Variants in MTA1 observed in about 807,000 individuals in gnomAD.
MTA1 encodes metastasis associated 1.
In MTA1, 15 loss-of-function variants were observed where a neutral mutation model predicts 97.0. The observed-to-expected ratio is 0.15, with a 90% CI of 0.10 to 0.24. The LOEUF is 0.24. Among genes scored for constraint, MTA1 ranks in the 10% least tolerant of loss-of-function variants. The pLI is 1.00. For missense variants in MTA1, 709 were observed against 1,015.1 expected (o/e 0.70, Z 4.10); for synonymous variants, 435 against 417.5 (o/e 1.04, Z -0.51).
At chr14:105,431,447 C>G (rs1198746323) in intron 1 of MTA1, among the ~76,000 whole-genome samples, 1 of 152,180 alleles carries the variant, frequency 6.6e-6, no homozygotes, top group Non-Finnish European at 1.5e-5. Flanking sequence ...TAACCAACAT[C>G]AGGAACAACA....
rs1046562384 is a variant in MTA1 at position 105,424,280 on chromosome 14, G to A, written c.28+4217G>A. The stretch of plus-strand genomic sequence containing the variant: ...CGCAATCTGGGCTCACTGCAAGTCC[G>A]CCTCCCGGGTTCACACCATTCTCCT... On this transcript the variant is annotated intron_variant, in intron 1 of 20. Coordinates refer to ENST00000331320, the MANE Select transcript of MTA1 (RefSeq NM_004689.4). The surrounding 1 kb of genome is among the most constrained non-coding windows in gnomAD (Gnocchi z 4.0). 2.0e-5 allele frequency among the ~76,000 whole-genome samples: 3 copies of A among 151,904 alleles called. No individual in the cohort carries two copies. Among genetic ancestry groups the A allele is most frequent in the Non-Finnish European group, 2.9e-5 (2 of 67,994 alleles).
At chr14:105,462,345 A>G (rs1555431253) in intron 10 of MTA1, among the ~76,000 whole-genome samples, 19 of 152,142 alleles carry the variant, frequency 1.2e-4, no homozygotes, top group Non-Finnish European at 1.5e-5. Flanking sequence ...CCGAGGCAGG[A>G]GGATCATGAG....
At chr14:105,439,995 G>A (rs1402881042) in intron 2 of MTA1, among the ~76,000 whole-genome samples, 4 of 152,200 alleles carry the variant, frequency 2.6e-5, no homozygotes, top group African/African-American at 4.8e-5. Flanking sequence ...TGCGCTTGTC[G>A]AGGGCCATTC....
At chr14:105,441,398 G>A (rs1002537031) in intron 2 of MTA1, among the ~76,000 whole-genome samples, 5 of 152,194 alleles carry the variant, frequency 3.3e-5, no homozygotes, top group Admixed American at 6.5e-5. Context: ...CCCATGCAGC[G>A]AGCTGCCCAG....
chr14:105,445,272 G>A, intron 2 of MTA1, 146 bp from the exon 3 acceptor site: 1 of 669,436 alleles, frequency 1.5e-6, no homozygotes, highest in Admixed American at 2.9e-5. Flanking sequence ...TGCTCCATTT[G>A]TGAAGTGCCC....
At chr14:105,452,589 G>A (rs1262322960) in intron 6 of MTA1, among the ~76,000 whole-genome samples, 1 of 152,212 alleles carries the variant, frequency 6.6e-6, no homozygotes. Context: ...AGGCTGAGGT[G>A]GGAGGATTGC....
At chr14:105,468,920 G>A (rs782350824) in intron 18 of MTA1, 36 of 319,196 alleles carry the variant, frequency 1.1e-4, no homozygotes, top group Non-Finnish European at 2.0e-4. Context: ...ACCCTGCACT[G>A]TGGGAAGTCA....
chr14:105,434,516 CAG>C (rs1262931788), intron 1 of MTA1, among the ~76,000 whole-genome samples: 1 of 114,804 alleles, frequency 8.7e-6, no homozygotes, highest in African/African-American at 3.4e-5. Flanking sequence ...TTTTTTGAGA[CAG>C]AGTTTCACTC....
rs1441814963 is a variant in MTA1 at position 105,469,886 on chromosome 14, A to G, written c.1891A>G (p.Lys631Glu). 1 of 1,611,112 alleles carries G rather than the reference A, an allele frequency of 6.2e-7. No homozygotes were observed. The highest frequency in any genetic ancestry group is 8.5e-7 in the Non-Finnish European group (1 of 1,179,318). Residue 631 changes from lysine (K) to glutamate (E), a missense_variant, in exon 20 of 21, where the codon AAA becomes GAA. By Grantham distance (56) the Lys-to-Glu change is moderately conservative. Coordinates refer to ENST00000331320, the MANE Select transcript of MTA1 (RefSeq NM_004689.4). Reference protein sequence around the residue: ...LLLNGKSYPTKVRLIRGGSLP... With the variant: ...LLLNGKSYPTEVRLIRGGSLP... Reference sequence around the variant, plus strand: ...GCTCAACGGGAAGTCCTACCCCACCAAAGTGCGCCTGATCCGGGGGGGCTC... The same window carrying G: ...GCTCAACGGGAAGTCCTACCCCACCGAAGTGCGCCTGATCCGGGGGGGCTC...
At chr14:105,445,543 G>A in intron 3 of MTA1, 32 bp downstream of exon 3, 1 of 1,610,994 alleles carries the variant, frequency 6.2e-7, no homozygotes. Context: ...GTGCCCGCCT[G>A]GCGGGAGGGT....
chr14:105,470,000 C>A lies in MTA1; in HGVS notation c.1997+8C>A, dbSNP rs781844482. On this transcript the variant is annotated splice_region_variant and intron_variant, in intron 20 of 20. Coordinates refer to ENST00000331320, the MANE Select transcript of MTA1 (RefSeq NM_004689.4). ...GGCCACAGAGGAGACCAGGTGGGGCCTTCCCAGGGCAGGCGGGAGGGCTCC... is the reference window on the plus strand; with the variant it reads ...GGCCACAGAGGAGACCAGGTGGGGCATTCCCAGGGCAGGCGGGAGGGCTCC... The A allele has an allele frequency of 1.9e-6, 3 of 1,612,494 alleles. No homozygotes were observed. Among genetic ancestry groups the A allele is most frequent in the South Asian group, 2.2e-5 (2 of 91,064 alleles).
intron 6 of MTA1, among the ~76,000 whole-genome samples, chr14:105,451,696 G>A (rs2082935390): frequency 6.6e-6 from 1 of 152,026 alleles, no homozygotes; most frequent in African/African-American, 2.4e-5. Context: ...GTCCATGCTT[G>A]CCGGGGACAA....
intron 6 of MTA1, among the ~76,000 whole-genome samples, chr14:105,452,969 T>G (rs1337974829): frequency 6.6e-6 from 1 of 152,204 alleles, no homozygotes; most frequent in Non-Finnish European, 1.5e-5. Context: ...CAGGCACACA[T>G]GCAGAAGAAA....
In MTA1 at chr14:105,458,319, G is replaced by A. The variant is rs375998003; in HGVS notation, c.600G>A (p.Glu200=). The A allele has an allele frequency of 8.7e-6, 14 of 1,612,672 alleles. No homozygotes were observed. Among genetic ancestry groups the A allele is most frequent in the African/African-American group, 1.3e-5 (1 of 74,930 alleles). The change falls in exon 8 of 21, where the codon GAG becomes GAA. Residue 200 remains glutamate, a synonymous_variant. Transcript: ENST00000331320. ...CCAGGTTGGAGACCCAGGTGTGGGAGGCGCACAACCCACTCACAGACAAGC... is the reference window on the plus strand; with the variant it reads ...CCAGGTTGGAGACCCAGGTGTGGGAAGCGCACAACCCACTCACAGACAAGC... ...DQSRLETQVW[E]AHNPLTDKQI...
At chr14:105,450,388 A>T in intron 6 of MTA1, 64 bp downstream of exon 6, 1 of 1,542,080 alleles carries the variant, frequency 6.5e-7, no homozygotes, top group Admixed American at 1.8e-5. Context: ...TCTACCTATG[A>T]CCTCTGCTGG....
At chr14:105,445,609 C>T in intron 3 of MTA1, 98 bp downstream of exon 3, 1 of 1,224,074 alleles carries the variant, frequency 8.2e-7, no homozygotes, top group Non-Finnish European at 1.2e-6. Context: ...GCATCCTGGC[C>T]TCGTGGGGCC....
rs1006473209 is a variant in MTA1, at chr14:105,421,373, C to G, written c.28+1310C>G. ...CCTGTTCTTTCTCCCCACCTGGAGA[C>G]CCCCCTTCCAGCCTGACATGAGGGC... On this transcript the variant is annotated intron_variant, in intron 1 of 20. Coordinates refer to ENST00000331320, the MANE Select transcript of MTA1 (RefSeq NM_004689.4). 3.3e-5 allele frequency among the ~76,000 whole-genome samples: 5 copies of G among 152,224 alleles called. No individual in the cohort carries two copies. In the East Asian group the frequency reaches 7.7e-4, roughly 23 times the overall value.
chr14:105,429,752 C>CTTTTTTT lies in MTA1; in HGVS notation c.29-8905_29-8899dup, dbSNP rs59028638. The stretch of plus-strand genomic sequence containing the variant: ...ACAGACGTGAGCCACTGCGCCCGGC[C>CTTTTTTT]TTTTTTTTTTTTTTTTTTTTTGGTG... On this transcript the variant is annotated intron_variant, in intron 1 of 20. Coordinates refer to ENST00000331320, the MANE Select transcript of MTA1 (RefSeq NM_004689.4). 1.0e-2 allele frequency among the ~76,000 whole-genome samples: 505 copies of CTTTTTTT among 50,514 alleles called. 59 individuals are homozygous for CTTTTTTT. Among genetic ancestry groups the CTTTTTTT allele is most frequent in the African/African-American group, 0.029 (322 of 11,146 alleles). The allele number at this position is 50,514 out of a possible 152,430, so 33.1% of individuals were successfully genotyped here. A position where few individuals can be genotyped will look rare whatever the true frequency, so the allele number is the denominator to read the frequency against.
Position 105,445,969 on chromosome 14 carries a change from G to A in MTA1, c.190+458G>A, listed in dbSNP as rs587687380. The A allele has an allele frequency of 1.6e-3, 481 of 299,674 alleles. 2 individuals are homozygous for A. The highest frequency in any genetic ancestry group is 1.9e-3 in the Non-Finnish European group (298 of 155,230). The allele number at this position is 299,674 out of a possible 1,614,324, so 18.6% of individuals were successfully genotyped here. On this transcript the variant is annotated intron_variant, in intron 3 of 20. Transcript: ENST00000331320. The stretch of plus-strand genomic sequence containing the variant: ...AAGCAGTCCTCTCCTTATTCTTTAC[G>A]ATTCAAACCCAAGTTTAGTAACCTG...
Sources: allele counts gnomAD v4.1 joint callset (sites outside exome capture counted in the v4.1 genomes callset), GRCh38; gene constraint gnomAD v4.1.1; non-coding constraint Gnocchi (gnomAD v3.1); transcripts MANE v1.5; gene names NCBI Gene and HGNC (gene_info 2026-07-23, HGNC 2026-07-21).